Variants in SAG observed in about 807,000 individuals in gnomAD.
SAG encodes the protein S-antigen visual arrestin, also known as S-arrestin.
SAG carries 45 observed loss-of-function variants against 55.0 expected under a neutral mutation model. The observed-to-expected ratio is 0.82, with a 90% CI of 0.64 to 1.05. SAG has a LOEUF of 1.05. Among genes scored for constraint, SAG ranks in the 50% least tolerant of loss-of-function variants. The probability of loss-of-function intolerance (pLI) is 0.00; values close to 1 mark genes in which losing one functional copy is unlikely to be tolerated. For synonymous variants in SAG, 189 were observed against 197.4 expected (o/e 0.96, Z 0.36); for missense variants, 455 against 512.1 (o/e 0.89, Z 1.08).
chr2:233,315,494 T>C (rs2125323647), intron 2 of SAG, among the ~76,000 whole-genome samples: 2 of 151,674 alleles, frequency 1.3e-5, no homozygotes, highest in African/African-American at 4.8e-5. Context: ...GGTTTCGTCA[T>C]GTTGGCCAGG....
chr2:233,321,147 G>C (rs983247745), intron 5 of SAG, among the ~76,000 whole-genome samples: 1 of 152,224 alleles, frequency 6.6e-6, no homozygotes, highest in Non-Finnish European at 1.5e-5. Context: ...CGGCCCTGGG[G>C]AGTTCTAAGT....
intron 6 of SAG, among the ~76,000 whole-genome samples, chr2:233,324,079 C>T (rs1477580583): frequency 1.3e-5 from 2 of 152,084 alleles, no homozygotes; most frequent in East Asian, 3.9e-4. Context: ...GAGGAGGTTG[C>T]CTGCTGAGTG....
chr2:233,312,058 G>A (rs1700089011), intron 2 of SAG, among the ~76,000 whole-genome samples: 1 of 152,078 alleles, frequency 6.6e-6, no homozygotes, highest in Non-Finnish European at 1.5e-5. Flanking sequence ...CCTGGGAGGT[G>A]GAGTTTGCAG....
chr2:233,321,460 A>G (rs1167938981), intron 5 of SAG, among the ~76,000 whole-genome samples: 1 of 152,270 alleles, frequency 6.6e-6, no homozygotes, highest in Non-Finnish European at 1.5e-5. Context: ...GTGCTACACC[A>G]TGGATGAATC....
chr2:233,338,798 T>G, intron 12 of SAG, 45 bp downstream of exon 12: 1 of 1,523,072 alleles, frequency 6.6e-7, no homozygotes, highest in Non-Finnish European at 9.1e-7. Context: ...GTCCTGGTCT[T>G]AGATGGTCTG....
intron 6 of SAG, among the ~76,000 whole-genome samples, chr2:233,324,445 A>G (rs752710276): frequency 3.3e-5 from 5 of 152,156 alleles, no homozygotes; most frequent in Non-Finnish European, 5.9e-5. Context: ...TTAGAGTGGA[A>G]GGGGAGGTGT....
chr2:233,333,340 TGA>T (rs1700826429), intron 10 of SAG: 1 of 152,252 alleles, frequency 6.6e-6, no homozygotes, highest in East Asian at 1.9e-4. Context: ...GGATCCTGGC[TGA>T]GTTTTCCCCT....
rs755623907 is a variant in SAG, at chr2:233,319,130, G to A, written c.181+335G>A. The A allele has an allele frequency of 1.3e-5, 6 of 470,350 alleles. No homozygotes were observed. Among genetic ancestry groups the A allele is most frequent in the Non-Finnish European group, 2.1e-5 (5 of 242,268 alleles). The allele number at this position is 470,350 out of a possible 1,614,324, so 29.1% of individuals were successfully genotyped here. On this transcript the variant is annotated intron_variant, in intron 4 of 15. Transcript: ENST00000409110. The surrounding 1 kb of genome is among the most constrained non-coding windows in gnomAD (Gnocchi z 4.4). Reference sequence around the variant, plus strand: ...GTGCTAGGGGCAAACTCAGGAGGGTGCCTGGGGTGCCTAGGACTCAGGAGG... The same window carrying A: ...GTGCTAGGGGCAAACTCAGGAGGGTACCTGGGGTGCCTAGGACTCAGGAGG...
rs58355307 is a variant in SAG, at chr2:233,313,715, CTTTTTTTTTTT to C, written c.76-2347_76-2337del. Among the ~76,000 whole-genome samples the C allele has an allele frequency of 1.6e-3, 130 of 78,942 alleles. 1 individual carries two copies. The highest frequency in any genetic ancestry group is 1.8e-3 in the Non-Finnish European group (71 of 40,198). 51.8% of individuals were successfully genotyped at this position (78,942 alleles called of 152,430 possible). A position where few individuals can be genotyped will look rare whatever the true frequency, so the allele number is the denominator to read the frequency against. On this transcript the variant is annotated intron_variant, in intron 2 of 15. Coordinates refer to ENST00000409110, the MANE Select transcript of SAG (RefSeq NM_000541.5). ...CAGGCACCACCTTGCCCGGGCTAATCTTTTTTTTTTTTTTTTTTTTTTTGAGAGATGGCAGG... is the reference window on the plus strand; with the variant it reads ...CAGGCACCACCTTGCCCGGGCTAATCTTTTTTTTTTTTGAGAGATGGCAGG...
Position 233,319,667 on chromosome 2 carries a change from C to G in SAG, c.181+872C>G, listed in dbSNP as rs1700321614. 1.0e-6 allele frequency: 1 copy of G among 985,956 alleles called. No individual in the cohort carries two copies. The highest frequency in any genetic ancestry group is 1.2e-6 in the Non-Finnish European group (1 of 830,430). The allele number at this position is 985,956 out of a possible 1,614,324, so 61.1% of individuals were successfully genotyped here. On this transcript the variant is annotated intron_variant, in intron 4 of 15. Transcript: ENST00000409110. This position sits in a 1 kb window ranked among gnomAD's most constrained non-coding sequence, Gnocchi z 4.4. ...TTCCTCCTGGGTGCCCTGCTCCTCT[C>G]TGGACCAGGAGGCATCTGGTTTGAG...
intron 1 of SAG, 58 bp from the exon 2 acceptor site, chr2:233,309,104 G>A: frequency 9.9e-7 from 1 of 1,007,052 alleles, no homozygotes; most frequent in Non-Finnish European, 1.5e-6. Context: ...TTCTTGACTT[G>A]ATATTTAGGA....
chr2:233,329,241 C>G (rs954710728), intron 8 of SAG: 8 of 454,254 alleles, frequency 1.8e-5, no homozygotes, highest in Non-Finnish European at 3.2e-5. Context: ...CATCCTGCCC[C>G]CATAACCTCC....
intron 4 of SAG, 122 bp downstream of exon 4, chr2:233,318,917 C>T (rs761925545): frequency 2.0e-5 from 17 of 865,650 alleles, no homozygotes; most frequent in African/African-American, 3.3e-5. Context: ...CGCTCTTGCA[C>T]ATGGAACCAG....
At chr2:233,325,691 C>T (rs1449224474) in intron 6 of SAG, among the ~76,000 whole-genome samples, 1 of 152,138 alleles carries the variant, frequency 6.6e-6, no homozygotes, top group African/African-American at 2.4e-5. Flanking sequence ...TTGATTTTTA[C>T]AACACTGTAT....
intron 10 of SAG, 62 bp downstream of exon 10, chr2:233,331,774 C>A: frequency 8.5e-7 from 1 of 1,173,476 alleles, no homozygotes; most frequent in East Asian, 2.4e-5. Context: ...AAGTTTCTCG[C>A]CGTTTATTGC....
At position 233,346,793 on chromosome 2, in the gene SAG, T is replaced by A; in HGVS notation, c.1113-14T>A. ...GGGCGTGCAATGATCAAAATGTTGT[T>A]TGTTTTATTTTAGTTATCAGGATGC... On this transcript the variant is annotated splice_polypyrimidine_tract_variant and intron_variant, in intron 15 of 15. Coordinates refer to ENST00000409110, the MANE Select transcript of SAG (RefSeq NM_000541.5). The A allele has an allele frequency of 6.5e-7, 1 of 1,533,722 alleles. No homozygotes were observed. Among genetic ancestry groups the A allele is most frequent in the Non-Finnish European group, 9.0e-7 (1 of 1,110,938 alleles).
chr2:233,308,861 A>C (rs1700004477), intron 1 of SAG, among the ~76,000 whole-genome samples: 1 of 152,242 alleles, frequency 6.6e-6, no homozygotes, highest in African/African-American at 2.4e-5. Flanking sequence ...ATAACACCAA[A>C]GGTTAGTCAG....
At chr2:233,328,870 C>T (rs1016659993) in intron 8 of SAG, 11 of 420,898 alleles carry the variant, frequency 2.6e-5, no homozygotes, top group Admixed American at 4.1e-5. Flanking sequence ...AAGGAAGGGG[C>T]GCTGCTTTTC....
At chr2:233,327,464 G>GTTGT (rs149932084) in intron 7 of SAG, 17,211 of 338,020 alleles carry the variant, frequency 0.051, 700 homozygotes, top group Admixed American at 0.1. Context: ...TTTTGTTGTT[G>GTTGT]TTGTTTGTTT....
Sources: allele counts gnomAD v4.1 joint callset (sites outside exome capture counted in the v4.1 genomes callset), GRCh38; gene constraint gnomAD v4.1.1; non-coding constraint Gnocchi (gnomAD v3.1); transcripts MANE v1.5; gene names NCBI Gene and HGNC (gene_info 2026-07-23, HGNC 2026-07-21).